Variants in CYP2B6 observed in about 807,000 individuals in gnomAD.
CYP2B6 encodes cytochrome P450 2B6.
In CYP2B6, 35 loss-of-function variants were observed where a neutral mutation model predicts 43.4. The ratio of observed to expected loss-of-function variants is 0.81; its 90% CI spans 0.62 to 1.07. The LOEUF is 1.07. CYP2B6 is among the 50% of genes least tolerant of loss of function. The probability of loss-of-function intolerance (pLI) is 0.00; values close to 1 mark genes in which losing one functional copy is unlikely to be tolerated. For synonymous variants in CYP2B6, 239 were observed against 239.2 expected, an observed-to-expected ratio of 1.00 and a Z score of 0.01; for missense variants, 624 against 632.8, an observed-to-expected ratio of 0.99 and a Z score of 0.15.
intron 1 of CYP2B6, among the ~76,000 whole-genome samples, chr19:40,994,307 A>G (rs1968967121): frequency 6.6e-6 from 1 of 152,078 alleles, no homozygotes; most frequent in African/African-American, 2.4e-5. Context: ...AAACCTCAAG[A>G]TACTCAAGGT....
chr19:41,001,538 A>G (rs1969087738), intron 1 of CYP2B6, among the ~76,000 whole-genome samples: 1 of 152,140 alleles, frequency 6.6e-6, no homozygotes, highest in African/African-American at 2.4e-5. Flanking sequence ...ATTGAGTCAC[A>G]GTTTTCTCTT....
chr19:41,012,455 C>T lies in CYP2B6; in HGVS notation c.1122C>T (p.His374=). ...PMGVPHIVTQ[H]TSFRGYIIPK... ...GTGTGCCCCACATTGTCACCCAACACACCAGCTTCCGAGGGTACATCATCC... is the reference window on the plus strand; with the variant it reads ...GTGTGCCCCACATTGTCACCCAACATACCAGCTTCCGAGGGTACATCATCC... Residue 374 remains histidine, a synonymous_variant, in exon 7 of 9, where the codon CAC becomes CAT. Transcript: ENST00000324071. The T allele has an allele frequency of 6.2e-7, 1 of 1,614,200 alleles. No homozygotes were observed.
In CYP2B6 at chr19:41,012,740, G is replaced by T; in HGVS notation, c.1219G>T (p.Ala407Ser). The change falls in exon 8 of 9, where the codon GCC becomes TCC. Residue 407 changes from alanine (A) to serine (S), a missense_variant. Physicochemically the swap from Ala to Ser is moderately conservative, Grantham distance 99 (BLOSUM62 1). Coordinates refer to ENST00000324071, the MANE Select transcript of CYP2B6 (RefSeq NM_000767.5). Reference sequence around the variant, plus strand: ...CCCACACTACTTTGAAAAACCAGACGCCTTCAATCCTGACCACTTTCTGGA... The same window carrying T: ...CCCACACTACTTTGAAAAACCAGACTCCTTCAATCCTGACCACTTTCTGGA... Reference protein sequence around the residue: ...HDPHYFEKPDAFNPDHFLDAN... With the variant: ...HDPHYFEKPDSFNPDHFLDAN... 1 of 1,614,028 alleles carries T rather than the reference G, an allele frequency of 6.2e-7. No individual in the cohort carries two copies. The highest frequency in any genetic ancestry group is 8.5e-7 in the Non-Finnish European group (1 of 1,180,014).
At chr19:41,013,019 G>A in intron 8 of CYP2B6, 1 of 642,836 alleles carries the variant, frequency 1.6e-6, no homozygotes, top group Non-Finnish European at 2.7e-6. Flanking sequence ...ATCTTGGCAA[G>A]CAGGACCTTG....
intron 8 of CYP2B6, among the ~76,000 whole-genome samples, chr19:41,015,341 G>T (rs1437639587): frequency 2.0e-5 from 3 of 152,192 alleles, no homozygotes; most frequent in Non-Finnish European, 4.4e-5. Flanking sequence ...AGACCTGCCT[G>T]TTTCTAAGCT....
chr19:41,003,803 C>CAGA, intron 1 of CYP2B6, 198 bp from the exon 2 acceptor site: 1 of 720,528 alleles, frequency 1.4e-6, no homozygotes, highest in Non-Finnish European at 2.4e-6. Flanking sequence ...AACTAAGAAC[C>CAGA]CATGACTGTA....
intron 1 of CYP2B6, among the ~76,000 whole-genome samples, chr19:40,997,566 C>T (rs1969016457): frequency 6.6e-6 from 1 of 152,094 alleles, no homozygotes; most frequent in African/African-American, 2.4e-5. Context: ...AGACAGAATA[C>T]ATGGACATAC....
intron 8 of CYP2B6, chr19:41,013,069 T>G (rs914482294): frequency 4.2e-5 from 21 of 502,950 alleles, no homozygotes; most frequent in Non-Finnish European, 6.8e-5. Context: ...GTGAGTTCAT[T>G]TTCTTAAAAA....
At chr19:41,002,356 T>C (rs1253474328) in intron 1 of CYP2B6, among the ~76,000 whole-genome samples, 1 of 152,132 alleles carries the variant, frequency 6.6e-6, no homozygotes, top group African/African-American at 2.4e-5. Context: ...CAAGTTTTTA[T>C]TGAACTTGAA....
rs758324584 is a variant in CYP2B6 at position 40,991,855 on chromosome 19, G to A, written c.171+379G>A. On this transcript the variant is annotated intron_variant, in intron 1 of 8. Transcript: ENST00000324071. ...ATCTGAGCAGTTTGCAGCCTGTGTG[G>A]ACTGAAAGCCCAGCTGCTCTGATTA... Among the ~76,000 whole-genome samples, 3 of 152,128 alleles carry A rather than the reference G, an allele frequency of 2.0e-5. No individual in the cohort carries two copies. The South Asian group carries it at 6.2e-4, about 32-fold the overall frequency.
chr19:41,005,453 A>G (rs1969162130), intron 3 of CYP2B6, among the ~76,000 whole-genome samples: 1 of 151,944 alleles, frequency 6.6e-6, no homozygotes, highest in South Asian at 2.1e-4. Flanking sequence ...ACAGTGACAC[A>G]GGCAGGAGGA....
At chr19:41,003,532 A>G (rs1294231472) in intron 1 of CYP2B6, among the ~76,000 whole-genome samples, 1 of 152,188 alleles carries the variant, frequency 6.6e-6, no homozygotes, top group African/African-American at 2.4e-5. Flanking sequence ...ACCACAGATC[A>G]TAAGAAGTAT....
At chr19:41,015,803 C>CT (rs1969352256) in intron 8 of CYP2B6, among the ~76,000 whole-genome samples, 1 of 85,332 alleles carries the variant, frequency 1.2e-5, no homozygotes, top group Non-Finnish European at 3.0e-5. Context: ...CCCACACATA[C>CT]CCCAGAAACA....
At position 41,012,829 on chromosome 19, in the gene CYP2B6, A is replaced by G. The variant is rs755094512; in HGVS notation, c.1294+14A>G. ...CCTTCTCCTTAGGTAAGCTGGACCC[A>G]CAATTTCTTTCCCAGACACCAGAGG... On this transcript the variant is annotated intron_variant, in intron 8 of 8. Transcript: ENST00000324071. The G allele has an allele frequency of 6.2e-7, 1 of 1,613,934 alleles. No individual in the cohort carries two copies. The highest frequency in any genetic ancestry group is 1.3e-5 in the African/African-American group (1 of 74,922).
intron 1 of CYP2B6, among the ~76,000 whole-genome samples, 190 bp downstream of exon 1, chr19:40,991,666 A>G (rs1968922238): frequency 6.6e-6 from 1 of 152,040 alleles, no homozygotes; most frequent in South Asian, 2.1e-4. Context: ...AATTTAGCAG[A>G]GTTTATTTGA....
chr19:41,002,124 G>A (rs1480025299), intron 1 of CYP2B6, among the ~76,000 whole-genome samples: 2 of 152,102 alleles, frequency 1.3e-5, no homozygotes, highest in Non-Finnish European at 2.9e-5. Flanking sequence ...CCTCAGTGGA[G>A]ACTTCAGATC....
At chr19:41,010,192 A>G in intron 6 of CYP2B6, 57 bp downstream of exon 6, 1 of 1,596,288 alleles carries the variant, frequency 6.3e-7, no homozygotes, top group African/African-American at 1.3e-5. Context: ...AGCTGCAGAA[A>G]TGGGGCTATG....
chr19:41,017,634 T>G lies in CYP2B6; in HGVS notation c.*807T>G, dbSNP rs976019154. Reference sequence around the variant, plus strand: ...ACAGGCGTCCCCCACCACGCCTGGCTAAATTTTGTATTTTTAGGTGGTCTT... The same window carrying G: ...ACAGGCGTCCCCCACCACGCCTGGCGAAATTTTGTATTTTTAGGTGGTCTT... On this transcript the variant is annotated 3_prime_UTR_variant, in exon 9 of 9. Coordinates refer to ENST00000324071, the MANE Select transcript of CYP2B6 (RefSeq NM_000767.5). 6.6e-6 allele frequency: 1 copy of G among 152,098 alleles called. No homozygotes were observed. Among genetic ancestry groups the G allele is most frequent in the African/African-American group, 2.4e-5 (1 of 41,392 alleles). 9.4% of individuals were successfully genotyped at this position (152,098 alleles called of 1,614,324 possible).
At chr19:41,003,719 T>G (rs1969130635) in intron 1 of CYP2B6, among the ~76,000 whole-genome samples, 1 of 152,136 alleles carries the variant, frequency 6.6e-6, no homozygotes, top group Non-Finnish European at 1.5e-5. Flanking sequence ...AGCCATGGTT[T>G]TCAGTTTCTG....
Sources: allele counts gnomAD v4.1 joint callset (sites outside exome capture counted in the v4.1 genomes callset), GRCh38; gene constraint gnomAD v4.1.1; transcripts MANE v1.5; gene names NCBI Gene and HGNC (gene_info 2026-07-23, HGNC 2026-07-21).